KCNN3: variants seen among roughly 807,000 people sequenced by gnomAD.
KCNN3 encodes small conductance calcium-activated potassium channel protein 3.
In KCNN3, 16 loss-of-function variants were observed where a neutral mutation model predicts 62.9. The ratio of observed to expected loss-of-function variants is 0.25; its 90% CI spans 0.17 to 0.39. The LOEUF (loss-of-function observed/expected upper bound fraction) is 0.39, where lower values mean the gene tolerates loss of function less well. Among genes scored for constraint, KCNN3 ranks in the 10% least tolerant of loss-of-function variants. KCNN3 has a pLI of 1.00. For synonymous variants in KCNN3, 370 were observed against 389.2 expected (o/e 0.95, Z 0.58); for missense variants, 599 against 949.4 (o/e 0.63, Z 4.85).
chr1:154,837,341 G>T (rs2101907917), intron 1 of KCNN3, among the ~76,000 whole-genome samples: 1 of 152,104 alleles, frequency 6.6e-6, no homozygotes, highest in South Asian at 2.1e-4. Context: ...AACAGAGTTT[G>T]ACCATGTTGG....
At chr1:154,837,451 T>C (rs2101908040) in intron 1 of KCNN3, among the ~76,000 whole-genome samples, 2 of 152,234 alleles carry the variant, frequency 1.3e-5, no homozygotes, top group South Asian at 2.1e-4. Context: ...CCTATCTACA[T>C]GTAACAGCTG....
Position 154,699,252 on chromosome 1 carries a change from A to G in KCNN3, c.*8724T>C, listed in dbSNP as rs1699803487. ...TAAAAAACAAACAAAAAATACATCA[A>G]TGTTCCGAATAGAACCTCTCTATGT... On this transcript the variant is annotated 3_prime_UTR_variant, in exon 8 of 8. Coordinates refer to ENST00000271915, the MANE Select transcript of KCNN3 (RefSeq NM_002249.6). The G allele has an allele frequency of 6.6e-6, 1 of 151,930 alleles. No homozygotes were observed. Among genetic ancestry groups the G allele is most frequent in the African/African-American group, 2.4e-5 (1 of 41,346 alleles). 9.4% of individuals were successfully genotyped at this position (151,930 alleles called of 1,614,324 possible).
chr1:154,777,894 A>G (rs2101846530), intron 2 of KCNN3, among the ~76,000 whole-genome samples: 1 of 152,338 alleles, frequency 6.6e-6, no homozygotes, highest in East Asian at 1.9e-4. Context: ...TCTCTTCCTG[A>G]TGAGGCATAG....
chr1:154,729,140 A>T (rs1700536734), intron 4 of KCNN3, among the ~76,000 whole-genome samples: 1 of 152,116 alleles, frequency 6.6e-6, no homozygotes, highest in African/African-American at 2.4e-5. Context: ...GCTGGTGGGT[A>T]GAGGGGGTGT....
intron 1 of KCNN3, among the ~76,000 whole-genome samples, chr1:154,855,218 A>AAATAAAT (rs1652472743): frequency 1.3e-5 from 2 of 149,262 alleles, no homozygotes; most frequent in African/African-American, 4.9e-5. Context: ...ACTCTGTCTC[A>AAATAAAT]AAATAAATAA....
At chr1:154,822,919 A>G (rs1241528609) in intron 1 of KCNN3, among the ~76,000 whole-genome samples, 1 of 151,952 alleles carries the variant, frequency 6.6e-6, no homozygotes, top group Admixed American at 6.6e-5. Flanking sequence ...TAAGGGCATG[A>G]CCTCCGGGGC....
chr1:154,778,277 A>T (rs1486433942), intron 2 of KCNN3, among the ~76,000 whole-genome samples: 6 of 152,246 alleles, frequency 3.9e-5, no homozygotes, highest in Non-Finnish European at 7.3e-5. Flanking sequence ...GAACTAACCC[A>T]ACTCAGTTCA....
intron 1 of KCNN3, among the ~76,000 whole-genome samples, chr1:154,844,020 C>T (rs1181992243): frequency 6.6e-6 from 1 of 152,190 alleles, no homozygotes; most frequent in Non-Finnish European, 1.5e-5. Flanking sequence ...GACACCAGGC[C>T]AGCAGGGGAA....
At chr1:154,821,952 C>A in intron 2 of KCNN3, 137 bp downstream of exon 2, 1 of 699,782 alleles carries the variant, frequency 1.4e-6, no homozygotes, top group South Asian at 1.6e-5. Flanking sequence ...AGAGAAGAGC[C>A]ACGATCTTGG....
chr1:154,710,878 C>G (rs965530613), intron 7 of KCNN3, among the ~76,000 whole-genome samples: 3 of 152,144 alleles, frequency 2.0e-5, no homozygotes, highest in African/African-American at 7.2e-5. Flanking sequence ...AATAGGAACA[C>G]TTTTACACTG....
chr1:154,848,611 C>T lies in KCNN3; in HGVS notation c.933+20421G>A, dbSNP rs540574939. Among the ~76,000 whole-genome samples, 4 of 152,260 alleles carry T rather than the reference C, an allele frequency of 2.6e-5. No individual in the cohort carries two copies. In the East Asian group the frequency reaches 7.7e-4, roughly 29 times the overall value. ...ATGTCCCTCTCCAGTCTTCTCTTCC[C>T]AGAACTTCTAGGAAAACCTACCTCT... On this transcript the variant is annotated intron_variant, in intron 1 of 7. Coordinates refer to ENST00000271915, the MANE Select transcript of KCNN3 (RefSeq NM_002249.6).
chr1:154,766,311 C>A (rs1017387833), intron 3 of KCNN3, among the ~76,000 whole-genome samples: 1 of 150,346 alleles, frequency 6.7e-6, no homozygotes, highest in African/African-American at 2.4e-5. Context: ...TGGGCTCCTA[C>A]CAATTAAAAA....
At chr1:154,851,063 C>T (rs937725777) in intron 1 of KCNN3, among the ~76,000 whole-genome samples, 2 of 152,186 alleles carry the variant, frequency 1.3e-5, no homozygotes, top group Non-Finnish European at 2.9e-5. Context: ...CCACAACCTC[C>T]GCCTTCCCGG....
intron 3 of KCNN3, among the ~76,000 whole-genome samples, chr1:154,764,326 G>A (rs539873433): frequency 6.6e-6 from 1 of 152,238 alleles, no homozygotes; most frequent in East Asian, 1.9e-4. Flanking sequence ...TATGTTTTCA[G>A]GGTAGGGAAA....
rs1439431590 is a variant in KCNN3, at chr1:154,862,430, G to A, written c.933+6602C>T. 2.0e-5 allele frequency among the ~76,000 whole-genome samples: 3 copies of A among 152,180 alleles called. No individual in the cohort carries two copies. Among genetic ancestry groups the A allele is most frequent in the Non-Finnish European group, 4.4e-5 (3 of 68,030 alleles). On this transcript the variant is annotated intron_variant, in intron 1 of 7. Coordinates refer to ENST00000271915, the MANE Select transcript of KCNN3 (RefSeq NM_002249.6). This position sits in a 1 kb window ranked among gnomAD's most constrained non-coding sequence, Gnocchi z 4.1. Reference sequence around the variant, plus strand: ...AGGAGAAAGGCAGCCTAAGAGAAGAGCAAGGTGGAGGTGAGGGGTGAGAGA... The same window carrying A: ...AGGAGAAAGGCAGCCTAAGAGAAGAACAAGGTGGAGGTGAGGGGTGAGAGA...
chr1:154,774,605 TGCCCTCTCTTTACTGGGTCCTTG>T (rs1378670696), intron 2 of KCNN3, among the ~76,000 whole-genome samples: 1 of 152,260 alleles, frequency 6.6e-6, no homozygotes, highest in African/African-American at 2.4e-5. Context: ...CATCACACTA[TGCCCTCTCTTTACTGGGTCCTTG>T]GCCCTCCAGC....
At chr1:154,792,578 C>T (rs1283873626) in intron 2 of KCNN3, among the ~76,000 whole-genome samples, 1 of 152,176 alleles carries the variant, frequency 6.6e-6, no homozygotes, top group Non-Finnish European at 1.5e-5. Context: ...TATGGCCATC[C>T]CTTATTCCAG....
chr1:154,765,628 CT>C (rs55633526), intron 3 of KCNN3, among the ~76,000 whole-genome samples: 33,589 of 129,506 alleles, frequency 0.26, 3,638 homozygotes, highest in Middle Eastern at 0.41. Flanking sequence ...TTTCTTTTTC[CT>C]TTTTTTTTTT....
intron 2 of KCNN3, among the ~76,000 whole-genome samples, chr1:154,812,871 G>T (rs138916642): frequency 1.4e-3 from 217 of 152,352 alleles, no homozygotes; most frequent in Non-Finnish European, 2.3e-3. Flanking sequence ...GACAGAAGTT[G>T]TTCGGACAGT....
Sources: gnomAD v4.1 joint callset for allele counts (sites outside exome capture counted in the v4.1 genomes callset) on GRCh38, gnomAD v4.1.1 for gene constraint, Gnocchi (gnomAD v3.1) non-coding constraint, MANE v1.5 for transcripts, NCBI Gene and HGNC (gene_info 2026-07-23, HGNC 2026-07-21) for gene names.